Variants in OSMR observed in about 807,000 individuals in gnomAD.
The protein encoded by OSMR is oncostatin-M-specific receptor subunit beta.
In OSMR, 81 loss-of-function variants were observed where a neutral mutation model predicts 99.9. The observed-to-expected ratio is 0.81, with a 90% CI of 0.68 to 0.97. OSMR has a LOEUF of 0.97. Ranked by LOEUF, OSMR falls within the 50% of genes least tolerant of loss-of-function variation. The pLI is 0.00. For missense variants in OSMR, 1,099 were observed against 1,153.4 expected (o/e 0.95, Z 0.68); for synonymous variants, 406 against 410.4 (o/e 0.99, Z 0.13).
chr5:38,924,785 C>T (rs1377965142), intron 14 of OSMR, among the ~76,000 whole-genome samples, 190 bp downstream of exon 14: 2 of 152,032 alleles, frequency 1.3e-5, no homozygotes, highest in Non-Finnish European at 2.9e-5. Context: ...AGCATTTTAA[C>T]TTACTTAAAA....
At chr5:38,854,828 T>A (rs1452745351) in intron 1 of OSMR, among the ~76,000 whole-genome samples, 1 of 152,118 alleles carries the variant, frequency 6.6e-6, no homozygotes, top group African/African-American at 2.4e-5. Context: ...AAGAACAGAT[T>A]TGGGGAAAGG....
chr5:38,892,210 G>GC (rs1387958372), intron 7 of OSMR, among the ~76,000 whole-genome samples: 1 of 152,100 alleles, frequency 6.6e-6, no homozygotes, highest in African/African-American at 2.4e-5. Context: ...CTGGTGAAGG[G>GC]CCCATAGCCT....
At chr5:38,869,263 C>G (rs1003120670) in intron 2 of OSMR, 146 bp downstream of exon 2, 6 of 766,642 alleles carry the variant, frequency 7.8e-6, no homozygotes, top group Middle Eastern at 4.6e-4. Context: ...ATTTGTCAAT[C>G]TCTCTAAGCA....
downstream of OSMR, chr5:38,940,246 T>G (rs1476697011): frequency 9.6e-6 from 2 of 208,540 alleles, no homozygotes; most frequent in Non-Finnish European, 1.9e-5. Context: ...GGGGAGGGGG[T>G]GTGTGTGTGT....
intron 11 of OSMR, among the ~76,000 whole-genome samples, chr5:38,920,688 G>C (rs1035938211): frequency 2.0e-5 from 3 of 152,260 alleles, no homozygotes; most frequent in Admixed American, 2.0e-4. Flanking sequence ...AGGATTGCCA[G>C]GTAAAATACA....
intron 1 of OSMR, among the ~76,000 whole-genome samples, chr5:38,854,116 T>A (rs1740669168): frequency 6.6e-6 from 1 of 151,914 alleles, no homozygotes; most frequent in Non-Finnish European, 1.5e-5. Flanking sequence ...CTCTTTGTAC[T>A]GCTGCACAGG....
chr5:38,905,314 C>T (rs925941897), intron 9 of OSMR, among the ~76,000 whole-genome samples: 2 of 151,998 alleles, frequency 1.3e-5, no homozygotes, highest in Non-Finnish European at 2.9e-5. Flanking sequence ...CATGGTGAAA[C>T]CCCATCTCTA....
Position 38,917,605 on chromosome 5 carries a change from G to A in OSMR, c.1345G>A (p.Val449Met). ...GAGCTTGGAGCCAGGAAATCATACT[G>A]TGACCTTATTCTGGAAGGTAAGATG... ...IVSLEPGNHT[V>M]TLFWKPLSKL... is the part of the protein sequence containing the mutation. Residue 449 changes from valine to methionine, a missense_variant, in exon 10 of 18, where the codon GTG becomes ATG. Physicochemically the swap from Val to Met is conservative, Grantham distance 21. Coordinates refer to ENST00000274276, the MANE Select transcript of OSMR (RefSeq NM_003999.3). 1 of 1,613,106 alleles carries A rather than the reference G, an allele frequency of 6.2e-7. No homozygotes were observed. Among genetic ancestry groups the A allele is most frequent in the Middle Eastern group, 1.7e-4 (1 of 6,054 alleles).
chr5:38,933,464 C>A lies in OSMR; in HGVS notation c.*20C>A, dbSNP rs768960449. 2.5e-6 allele frequency: 4 copies of A among 1,613,454 alleles called. No homozygotes were observed. Among genetic ancestry groups the A allele is most frequent in the Non-Finnish European group, 3.4e-6 (4 of 1,179,658 alleles). ...TGCTAACCAGCATGCCGATTTCATA[C>A]CTTATGCTACACAGACATTAAGAAG... On this transcript the variant is annotated 3_prime_UTR_variant, in exon 18 of 18. Transcript: ENST00000274276.
rs1216178250 is a variant in OSMR at position 38,933,113 on chromosome 5, C to G, written c.2609C>G (p.Ser870Cys). 7 of 1,614,216 alleles carry G rather than the reference C, an allele frequency of 4.3e-6. No homozygotes were observed. The highest frequency in any genetic ancestry group is 5.9e-6 in the Non-Finnish European group (7 of 1,180,030). The change falls in exon 18 of 18, where the codon TCT becomes TGT. Residue 870 changes from serine (S) to cysteine (C), a missense_variant. Ser to Cys is a moderately radical substitution (Grantham distance 112). Transcript: ENST00000274276. ...AACCAGGCAGCTTCTGACTCTGGCT[C>G]TTGTGGCCATGTTCCAGTATCCCCA... ...TYNQAASDSG[S>C]CGHVPVSPKA...
At chr5:38,870,191 C>T (rs1742269045) in intron 2 of OSMR, among the ~76,000 whole-genome samples, 1 of 152,118 alleles carries the variant, frequency 6.6e-6, no homozygotes, top group Non-Finnish European at 1.5e-5. Flanking sequence ...TTAGTCTCTT[C>T]TAATCTGGGG....
intron 7 of OSMR, among the ~76,000 whole-genome samples, chr5:38,892,139 G>A (rs1744201334): frequency 1.3e-5 from 2 of 152,166 alleles, no homozygotes; most frequent in Admixed American, 6.5e-5. Context: ...GGAAGCAGGA[G>A]CATGTCATGC....
chr5:38,873,695 G>C (rs552342001), intron 2 of OSMR, among the ~76,000 whole-genome samples: 1 of 152,176 alleles, frequency 6.6e-6, no homozygotes, highest in East Asian at 1.9e-4. Flanking sequence ...GGTGTGAAAT[G>C]GTACCTCTTT....
At chr5:38,857,793 G>A (rs1247622530) in intron 1 of OSMR, among the ~76,000 whole-genome samples, 3 of 151,852 alleles carry the variant, frequency 2.0e-5, no homozygotes, top group African/African-American at 4.8e-5. Context: ...TCAGCCTCCC[G>A]AGTAGCTGGG....
In OSMR at chr5:38,889,492, A is replaced by G. The variant is rs144809590; in HGVS notation, c.991+3302A>G. Among the ~76,000 whole-genome samples, 1,013 of 151,612 alleles carry G rather than the reference A, an allele frequency of 6.7e-3. 16 individuals carry two copies. Among genetic ancestry groups the G allele is most frequent in the African/African-American group, 0.023 (947 of 41,348 alleles). On this transcript the variant is annotated intron_variant, in intron 7 of 17. Transcript: ENST00000274276. ...CAATTTTGAATTTATTTTTTGTTTTATATCTATTTCTTTCCTGAGTTCTGT... is the reference window on the plus strand; with the variant it reads ...CAATTTTGAATTTATTTTTTGTTTTGTATCTATTTCTTTCCTGAGTTCTGT...
intron 11 of OSMR, 87 bp downstream of exon 11, chr5:38,919,149 CAAT>C (rs1746099324): frequency 6.4e-7 from 1 of 1,559,462 alleles, no homozygotes. Context: ...ATTGAGAAAA[CAAT>C]AACTTAGGAA....
At chr5:38,848,715 C>T (rs1204938410) in intron 1 of OSMR, among the ~76,000 whole-genome samples, 2 of 152,160 alleles carry the variant, frequency 1.3e-5, no homozygotes, top group Admixed American at 6.5e-5. Context: ...TTTTCACTTT[C>T]CAAGTCTTAG....
chr5:38,938,001 A>G (rs1266648466), downstream of OSMR: 1 of 197,006 alleles, frequency 5.1e-6, no homozygotes, highest in Non-Finnish European at 1.1e-5. Flanking sequence ...TGCCCTTGAC[A>G]TAAACTATAC....
chr5:38,853,886 AG>A (rs1489969482), intron 1 of OSMR, among the ~76,000 whole-genome samples: 1 of 152,190 alleles, frequency 6.6e-6, no homozygotes, highest in Non-Finnish European at 1.5e-5. Context: ...CGGACATGAA[AG>A]GAGAAATACT....
Sources: allele counts gnomAD v4.1 joint callset (sites outside exome capture counted in the v4.1 genomes callset), GRCh38; gene constraint gnomAD v4.1.1; transcripts MANE v1.5; gene names NCBI Gene and HGNC (gene_info 2026-07-23, HGNC 2026-07-21).